ZC3H7A: variants seen among roughly 807,000 people sequenced by gnomAD.
ZC3H7A encodes the protein zinc finger CCCH domain-containing protein 7A.
In ZC3H7A, 44 loss-of-function variants were observed where a neutral mutation model predicts 125.5. That is an observed-to-expected ratio of 0.35 (90% CI 0.28 to 0.45). The LOEUF (loss-of-function observed/expected upper bound fraction) is 0.45, where lower values mean the gene tolerates loss of function less well. ZC3H7A is among the 20% of genes least tolerant of loss of function. ZC3H7A has a pLI of 1.00. For synonymous variants in ZC3H7A, 399 were observed against 391.2 expected, an observed-to-expected ratio of 1.02 and a Z score of -0.23; for missense variants, 977 against 1,170.7, an observed-to-expected ratio of 0.83 and a Z score of 2.41.
rs184565827 is a variant in ZC3H7A at position 11,762,569 on chromosome 16, G to A, written c.2079+102C>T. 3.4e-4 allele frequency: 363 copies of A among 1,055,836 alleles called. 2 individuals carry two copies. The East Asian group carries it at 7.9e-3, about 23-fold the overall frequency. The allele number at this position is 1,055,836 out of a possible 1,614,324, so 65.4% of individuals were successfully genotyped here. A position where few individuals can be genotyped will look rare whatever the true frequency, so the allele number is the denominator to read the frequency against. ...ACTCACCTGAATGAATATTAAGAAA[G>A]TAACTGGACTGTAAGTGTTAACTGC... On this transcript the variant is annotated intron_variant, in intron 17 of 22. Transcript: ENST00000355758.
intron 1 of ZC3H7A, among the ~76,000 whole-genome samples, chr16:11,791,315 C>A (rs543417973): frequency 3.5e-4 from 53 of 152,082 alleles, no homozygotes; most frequent in African/African-American, 1.2e-3. Flanking sequence ...ACAAGTCAGG[C>A]ACTCCATGCT....
chr16:11,785,472 C>G (rs1352325495), intron 1 of ZC3H7A, among the ~76,000 whole-genome samples: 1 of 151,924 alleles, frequency 6.6e-6, no homozygotes, highest in Non-Finnish European at 1.5e-5. Context: ...TGCCACTGCA[C>G]TCCCGCCTGG....
At chr16:11,758,649 C>T in intron 19 of ZC3H7A, 110 bp from the exon 20 acceptor site, 3 of 682,056 alleles carry the variant, frequency 4.4e-6, no homozygotes, top group Non-Finnish European at 2.5e-6. Flanking sequence ...ACTTAGTAAT[C>T]AAATTCTAAA....
At chr16:11,754,092 A>G (rs377668089) in intron 21 of ZC3H7A, 23 of 151,984 alleles carry the variant, frequency 1.5e-4, no homozygotes, top group African/African-American at 5.5e-4. Context: ...GGAGTTTCAG[A>G]CTAGCGTGGG....
intron 1 of ZC3H7A, among the ~76,000 whole-genome samples, chr16:11,788,833 C>T (rs990833399): frequency 2.2e-4 from 34 of 151,958 alleles, no homozygotes; most frequent in Non-Finnish European, 3.5e-4. Flanking sequence ...AGGCTGGTCT[C>T]GAACTCCTGA....
chr16:11,763,422 C>G, intron 16 of ZC3H7A, 56 bp downstream of exon 16: 4 of 1,518,880 alleles, frequency 2.6e-6, no homozygotes, highest in Non-Finnish European at 3.6e-6. Context: ...ATTACTGTTT[C>G]ATTAAACCCT....
chr16:11,761,608 AT>A (rs992468522), intron 18 of ZC3H7A, 97 bp from the exon 19 acceptor site: 97 of 1,284,066 alleles, frequency 7.6e-5, no homozygotes, highest in Non-Finnish European at 8.5e-5. Flanking sequence ...GAACCAGAGA[AT>A]TTTTTTCTCA....
chr16:11,760,754 G>A lies in ZC3H7A; in HGVS notation c.2319+652C>T, dbSNP rs542442680. 2.0e-5 allele frequency among the ~76,000 whole-genome samples: 3 copies of A among 152,304 alleles called. No individual in the cohort carries two copies. In the South Asian group the frequency reaches 6.2e-4, roughly 32 times the overall value. On this transcript the variant is annotated intron_variant, in intron 19 of 22. Coordinates refer to ENST00000355758, the MANE Select transcript of ZC3H7A (RefSeq NM_014153.4). ...TCCAGACCCTCTCTCTCATGAAGAG[G>A]AAAGTCCAGGACAACTCAAGTGGTT...
At chr16:11,779,964 C>A (rs1244159964) in intron 3 of ZC3H7A, among the ~76,000 whole-genome samples, 2 of 151,422 alleles carry the variant, frequency 1.3e-5, no homozygotes, top group South Asian at 2.1e-4. Flanking sequence ...CCTTGTATTT[C>A]TTTTTCTGTA....
At chr16:11,754,470 G>T (rs1294728737) in intron 21 of ZC3H7A, among the ~76,000 whole-genome samples, 1 of 151,850 alleles carries the variant, frequency 6.6e-6, no homozygotes, top group East Asian at 1.9e-4. Flanking sequence ...GGCCTGCAAT[G>T]GGCAATGAAA....
At chr16:11,768,212 C>T in intron 12 of ZC3H7A, 103 bp downstream of exon 12, 1 of 1,163,502 alleles carries the variant, frequency 8.6e-7, no homozygotes. Flanking sequence ...GATTGAAGAA[C>T]CATAATAACT....
At chr16:11,773,532 C>G (rs1354260179) in intron 9 of ZC3H7A, among the ~76,000 whole-genome samples, 3 of 151,902 alleles carry the variant, frequency 2.0e-5, no homozygotes, top group Admixed American at 2.0e-4. Flanking sequence ...CTGTGGGCTA[C>G]AGTTGGCTGA....
chr16:11,777,767 C>T (rs1454691671), intron 4 of ZC3H7A, among the ~76,000 whole-genome samples: 1 of 151,738 alleles, frequency 6.6e-6, no homozygotes, highest in Admixed American at 6.6e-5. Flanking sequence ...TGCCTGTAAT[C>T]CCAGCACTTT....
rs1555493021 is a variant in ZC3H7A, at chr16:11,754,321, A to AT, written c.2563-1490_2563-1489insA. Reference sequence around the variant, plus strand: ...AAAAAAAAAAAAAGGAAGAAAAAAAAATATATATATATATATAATAAAATA... The same window carrying AT: ...AAAAAAAAAAAAAGGAAGAAAAAAAATATATATATATATATATAATAAAATA... On this transcript the variant is annotated intron_variant, in intron 21 of 22. Transcript: ENST00000355758. Among the ~76,000 whole-genome samples, 1,100 of 140,468 alleles carry AT rather than the reference A, an allele frequency of 7.8e-3. 8 individuals carry two copies. Among genetic ancestry groups the AT allele is most frequent in the East Asian group, 0.017 (81 of 4,854 alleles). 92.2% of individuals were successfully genotyped at this position (140,468 alleles called of 152,430 possible).
chr16:11,763,901 T>C (rs556064465), intron 15 of ZC3H7A, among the ~76,000 whole-genome samples: 1 of 150,824 alleles, frequency 6.6e-6, no homozygotes, highest in South Asian at 2.1e-4. Flanking sequence ...CCTTCCGGGT[T>C]CACACCATTC....
In ZC3H7A at chr16:11,776,289, A is replaced by AT. The variant is rs397820839; in HGVS notation, c.585+30_585+31insA. 4.7e-5 allele frequency: 74 copies of AT among 1,582,408 alleles called. No homozygotes were observed. In the African/African-American group the frequency reaches 8.8e-4, roughly 19 times the overall value. Reference sequence around the variant, plus strand: ...GCTCCCATCCTTCCCTTTAAAAAAAAATATAATTTTGACAGAAAAAATAAC... The same window carrying AT: ...GCTCCCATCCTTCCCTTTAAAAAAAATATATAATTTTGACAGAAAAAATAAC... On this transcript the variant is annotated intron_variant, in intron 7 of 22. Transcript: ENST00000355758.
rs530437161 is a variant in ZC3H7A at position 11,774,474 on chromosome 16, G to A, written c.665C>T (p.Pro222Leu). 209 of 1,579,852 alleles carry A rather than the reference G, an allele frequency of 1.3e-4. 2 individuals carry two copies. In the South Asian group the frequency reaches 2.2e-3, roughly 17 times the overall value. Residue 222 changes from proline to leucine, a missense_variant, in exon 9 of 23, where the codon CCG becomes CTG. Physicochemically the swap from Pro to Leu is moderately conservative, Grantham distance 98. This residue lies in a region of ZC3H7A where 342 missense variants were observed against 311.3 expected (regional missense o/e 1.10). Coordinates refer to ENST00000355758, the MANE Select transcript of ZC3H7A (RefSeq NM_014153.4). ...RQEAVPVVSL[P>L]APSFSHEVGS... Reference sequence around the variant, plus strand: ...AACTTCATGAGAAAAACTGGGTGCCGGTAAAGAGACAACAGGAACTGCTTC... The same window carrying A: ...AACTTCATGAGAAAAACTGGGTGCCAGTAAAGAGACAACAGGAACTGCTTC...
Position 11,762,817 on chromosome 16 carries a change from C to A in ZC3H7A, c.2003-70G>T. 3 of 1,477,840 alleles carry A rather than the reference C, an allele frequency of 2.0e-6. No individual in the cohort carries two copies. The South Asian group carries it at 3.4e-5, about 17-fold the overall frequency. 91.5% of individuals were successfully genotyped at this position (1,477,840 alleles called of 1,614,324 possible). A position where few individuals can be genotyped will look rare whatever the true frequency, so the allele number is the denominator to read the frequency against. On this transcript the variant is annotated intron_variant, in intron 16 of 22. Transcript: ENST00000355758. ...AACAGCCCACCAATCTGGGTGCAGTCAGACGTGGAGAACCTTCAGCTTCCA... is the reference window on the plus strand; with the variant it reads ...AACAGCCCACCAATCTGGGTGCAGTAAGACGTGGAGAACCTTCAGCTTCCA...
At chr16:11,787,811 T>G (rs921229585) in intron 1 of ZC3H7A, among the ~76,000 whole-genome samples, 1 of 152,150 alleles carries the variant, frequency 6.6e-6, no homozygotes, top group African/African-American at 2.4e-5. Flanking sequence ...CCGGGCATGG[T>G]GGCAGGTGCC....
Sources: gnomAD v4.1 joint callset for allele counts (sites outside exome capture counted in the v4.1 genomes callset) on GRCh38, gnomAD v4.1.1 for gene constraint, gnomAD v4.1.1 regional missense constraint, MANE v1.5 for transcripts, NCBI Gene and HGNC (gene_info 2026-07-23, HGNC 2026-07-21) for gene names.